Variants in SGCD observed in about 807,000 individuals in gnomAD.
The protein encoded by SGCD is sarcoglycan delta, also known as delta-sarcoglycan.
In SGCD, 18 loss-of-function variants were observed where a neutral mutation model predicts 36.6. That is an observed-to-expected ratio of 0.49 (90% CI 0.34 to 0.73). The LOEUF is 0.73. SGCD is among the 30% of genes least tolerant of loss of function. SGCD has a pLI of 0.01. For missense variants in SGCD, 387 were observed against 346.7 expected, an observed-to-expected ratio of 1.12 and a Z score of -0.92; for synonymous variants, 133 against 130.6, an observed-to-expected ratio of 1.02 and a Z score of -0.12.
the SGCD span, among the ~76,000 whole-genome samples, chr5:155,743,085 G>C: frequency 1.3e-5 from 2 of 152,132 alleles, no homozygotes; most frequent in African/African-American, 2.4e-5. Flanking sequence ...TCTGAACCTA[G>C]TCCTTTTGGA....
Position 156,404,635 on chromosome 5 carries a change from C to T in SGCD, c.192+59958C>T, listed in dbSNP as rs568394129. ...ACTGACCAGCTTCTGTCTCAAAACA[C>T]TTTATATGTATACCCTTTCTCAAAA... is the stretch of plus-strand genomic sequence containing the variant. On this transcript the variant is annotated intron_variant, in intron 3 of 8. Transcript: ENST00000337851. 7.2e-5 allele frequency among the ~76,000 whole-genome samples: 11 copies of T among 152,292 alleles called. No individual in the cohort carries two copies. In the South Asian group the frequency reaches 2.3e-3, roughly 32 times the overall value.
At chr5:155,875,399 G>A (rs1755743728) in intron 1 of SGCD, among the ~76,000 whole-genome samples, 1 of 152,086 alleles carries the variant, frequency 6.6e-6, no homozygotes, top group African/African-American at 2.4e-5. Context: ...ACATATGTCA[G>A]TTATAGCTCA....
intron 1 of SGCD, among the ~76,000 whole-genome samples, chr5:155,947,295 G>C (rs1401983513): frequency 3.5e-3 from 1 of 282 alleles, no homozygotes; most frequent in Non-Finnish European, 7.1e-3. Flanking sequence ...AAATACTCTT[G>C]TGTGTGTGTG....
At chr5:156,503,898 G>T (rs562460225) in intron 3 of SGCD, among the ~76,000 whole-genome samples, 1 of 151,898 alleles carries the variant, frequency 6.6e-6, no homozygotes, top group Non-Finnish European at 1.5e-5. Flanking sequence ...GTTTCTAGAA[G>T]ATTTTAGAAA....
intron 7 of SGCD, among the ~76,000 whole-genome samples, chr5:156,660,470 A>G (rs1394890299): frequency 1.3e-5 from 2 of 152,386 alleles, no homozygotes; most frequent in African/African-American, 4.8e-5. Flanking sequence ...GTAACCAAAC[A>G]GGAAGCTGAT....
intron 3 of SGCD, among the ~76,000 whole-genome samples, chr5:156,308,957 T>A (rs1041938905): frequency 3.9e-5 from 6 of 152,200 alleles, no homozygotes; most frequent in Non-Finnish European, 8.8e-5. Flanking sequence ...TATTTTTTTT[T>A]ATTTTAGCAC....
chr5:156,013,962 A>G (rs1283767328), intron 1 of SGCD, among the ~76,000 whole-genome samples: 1 of 150,360 alleles, frequency 6.7e-6, no homozygotes, highest in Non-Finnish European at 1.5e-5. Context: ...TCTCCGAGAT[A>G]TGTTTTGGTT....
Position 155,963,915 on chromosome 5 carries a change from A to T in SGCD, c.-282+93491A>T, listed in dbSNP as rs113655285. Among the ~76,000 whole-genome samples, 13 of 152,274 alleles carry T rather than the reference A, an allele frequency of 8.5e-5. 1 individual carries two copies. The highest frequency in any genetic ancestry group is 3.1e-4 in the African/African-American group (13 of 41,582). On this transcript the variant is annotated intron_variant, in intron 1 of 9. Coordinates refer to the SGCD transcript ENST00000517913. Reference sequence around the variant, plus strand: ...TCAAAAAGTTGATGCTTTGGTGCACATCATTGCAGATGTTGAGTTTTTGTT... The same window carrying T: ...TCAAAAAGTTGATGCTTTGGTGCACTTCATTGCAGATGTTGAGTTTTTGTT...
chr5:156,740,814 C>T (rs938902744), intron 7 of SGCD, among the ~76,000 whole-genome samples: 5 of 152,200 alleles, frequency 3.3e-5, no homozygotes, highest in African/African-American at 1.2e-4. Flanking sequence ...ACCCACGTTT[C>T]AAAAGCTCCC....
intron 4 of SGCD, among the ~76,000 whole-genome samples, chr5:156,529,208 C>T (rs1373389609): frequency 3.9e-5 from 6 of 152,074 alleles, no homozygotes; most frequent in East Asian, 1.9e-4. Context: ...GGGTGGATAA[C>T]GAGGTCAAGA....
intron 1 of SGCD, among the ~76,000 whole-genome samples, chr5:155,937,584 A>G (rs1353348130): frequency 6.6e-6 from 1 of 152,218 alleles, no homozygotes; most frequent in African/African-American, 2.4e-5. Context: ...AGTACTTGAG[A>G]TAATATTTGG....
chr5:155,822,594 C>G, the SGCD span, among the ~76,000 whole-genome samples: 2 of 152,092 alleles, frequency 1.3e-5, no homozygotes, highest in Admixed American at 6.5e-5. Context: ...CAGATAATCC[C>G]TTGTGTTGTA....
intron 1 of SGCD, among the ~76,000 whole-genome samples, chr5:155,899,282 A>G (rs1336781965): frequency 3.3e-5 from 5 of 152,248 alleles, no homozygotes; most frequent in African/African-American, 7.2e-5. Flanking sequence ...CTGGAAATTA[A>G]CTTTGATGAG....
At chr5:155,904,606 A>C (rs1415778287) in intron 1 of SGCD, among the ~76,000 whole-genome samples, 1 of 152,164 alleles carries the variant, frequency 6.6e-6, no homozygotes, top group Non-Finnish European at 1.5e-5. Context: ...GGGATTTTCT[A>C]GACAATTCTT....
chr5:155,950,960 G>A (rs1302289042), intron 1 of SGCD, among the ~76,000 whole-genome samples: 1 of 152,126 alleles, frequency 6.6e-6, no homozygotes, highest in Non-Finnish European at 1.5e-5. Context: ...TGAGCTGGGA[G>A]GCTCCTTTAA....
At chr5:156,483,556 C>A (rs184430270) in intron 3 of SGCD, among the ~76,000 whole-genome samples, 1 of 152,164 alleles carries the variant, frequency 6.6e-6, no homozygotes, top group Non-Finnish European at 1.5e-5. Context: ...GAAGGCGAGG[C>A]CTGGGCATTT....
chr5:155,908,566 C>T (rs62380664), intron 1 of SGCD, among the ~76,000 whole-genome samples: 1 of 152,006 alleles, frequency 6.6e-6, no homozygotes, highest in Admixed American at 6.6e-5. Context: ...CAAGTGATAG[C>T]GAGATTTTTG....
intron 1 of SGCD, among the ~76,000 whole-genome samples, chr5:156,077,532 G>T (rs1760819065): frequency 6.6e-6 from 1 of 151,996 alleles, no homozygotes; most frequent in South Asian, 2.1e-4. Context: ...GACTTCTTTG[G>T]CCTAGTCAAC....
chr5:156,577,010 C>T (rs191744849), intron 4 of SGCD, among the ~76,000 whole-genome samples: 153 of 152,038 alleles, frequency 1.0e-3, no homozygotes, highest in African/African-American at 3.5e-3. Context: ...TTTCCTGAAT[C>T]GTATTGCCTA....
Sources: allele counts gnomAD v4.1 joint callset (sites outside exome capture counted in the v4.1 genomes callset), GRCh38; gene constraint gnomAD v4.1.1; transcripts MANE v1.5; gene names NCBI Gene and HGNC (gene_info 2026-07-23, HGNC 2026-07-21).